Variants in EXO1 observed in about 807,000 individuals in gnomAD.
EXO1 encodes the protein exonuclease 1.
EXO1 carries 69 observed loss-of-function variants against 84.5 expected under a neutral mutation model. The observed-to-expected ratio is 0.82, with a 90% CI of 0.67 to 1.00. The LOEUF (loss-of-function observed/expected upper bound fraction) is 1.00, where lower values mean the gene tolerates loss of function less well. Ranked by LOEUF, EXO1 falls within the 50% of genes least tolerant of loss-of-function variation. The pLI, the probability that EXO1 is intolerant of heterozygous loss-of-function variation, is 0.00. For missense variants in EXO1, 1,045 were observed against 1,000.7 expected, an observed-to-expected ratio of 1.04 and a Z score of -0.60; for synonymous variants, 373 against 366.1, an observed-to-expected ratio of 1.02 and a Z score of -0.21.
chr1:241,877,118 G>A (rs1045266506), intron 12 of EXO1, among the ~76,000 whole-genome samples: 2 of 152,132 alleles, frequency 1.3e-5, no homozygotes, highest in Admixed American at 6.5e-5. Flanking sequence ...CCTGCATTTT[G>A]GAAGCCTGTT....
chr1:241,869,094 A>G (rs1396768230), intron 11 of EXO1, among the ~76,000 whole-genome samples: 2 of 152,176 alleles, frequency 1.3e-5, no homozygotes, highest in African/African-American at 4.8e-5. Context: ...TTCTTAGTAT[A>G]AGAATCTAAG....
rs754470641 is a variant in EXO1 at position 241,878,860 on chromosome 1, T to G, written c.1626T>G (p.Tyr542Ter). ...DKENNLHESE[Y>*]GDQEGKRLVD... ...AGAACAATCTGCATGAATCAGAGTA[T>G]GGAGACCAAGAAGGCAAGAGACTGG... Residue 542 changes from tyrosine (Y) to a stop codon, truncating the protein, a stop_gained, in exon 13 of 16, where the codon TAT (tyrosine) becomes TAG (stop). Transcript: ENST00000366548. LOFTEE classifies it high-confidence loss of function. 3 of 1,614,044 alleles carry G rather than the reference T, an allele frequency of 1.9e-6. No homozygotes were observed. The highest frequency in any genetic ancestry group is 2.5e-6 in the Non-Finnish European group (3 of 1,179,924).
In EXO1 at chr1:241,884,673, G is replaced by A. The variant is rs146210654; in HGVS notation, c.2212-641G>A. 4.3e-3 allele frequency among the ~76,000 whole-genome samples: 495 copies of A among 115,780 alleles called. 8 individuals carry two copies. The highest frequency in any genetic ancestry group is 3.3e-3 in the Admixed American group (36 of 10,822). 76.0% of individuals were successfully genotyped at this position (115,780 alleles called of 152,430 possible). Reference sequence around the variant, plus strand: ...TGTGTGTGTGTGTGTGTGTGTGTGTGTGTGCACGTGCACGTAAGTCAGTGG... The same window carrying A: ...TGTGTGTGTGTGTGTGTGTGTGTGTATGTGCACGTGCACGTAAGTCAGTGG... On this transcript the variant is annotated intron_variant, in intron 14 of 15. Coordinates refer to ENST00000366548, the MANE Select transcript of EXO1 (RefSeq NM_130398.4).
intron 12 of EXO1, among the ~76,000 whole-genome samples, chr1:241,873,839 A>G (rs1662249253): frequency 6.6e-6 from 1 of 152,148 alleles, no homozygotes; most frequent in African/African-American, 2.4e-5. Context: ...GTCCCTGCCT[A>G]GGTTTAAATG....
intron 10 of EXO1, among the ~76,000 whole-genome samples, chr1:241,862,519 A>C (rs1021035758): frequency 3.3e-5 from 5 of 152,320 alleles, no homozygotes; most frequent in Admixed American, 6.5e-5. Flanking sequence ...AGGCAAAACT[A>C]AACTCTTCAT....
chr1:241,862,634 G>A lies in EXO1; in HGVS notation c.1041+1132G>A, dbSNP rs181909455. On this transcript the variant is annotated intron_variant, in intron 10 of 15. Transcript: ENST00000366548. ...TTCTGATTCTTTCCAATAGAATGTGGTCTTCATAAAGGCAGAACTTGGTGA... is the reference window on the plus strand; with the variant it reads ...TTCTGATTCTTTCCAATAGAATGTGATCTTCATAAAGGCAGAACTTGGTGA... 1.2e-4 allele frequency among the ~76,000 whole-genome samples: 18 copies of A among 152,254 alleles called. No individual in the cohort carries two copies. In the East Asian group the frequency reaches 3.5e-3, roughly 29 times the overall value.
intron 10 of EXO1, 22 bp from the exon 11 acceptor site, chr1:241,866,808 C>T: frequency 6.7e-7 from 1 of 1,503,332 alleles, no homozygotes; most frequent in Non-Finnish European, 9.3e-7. Context: ...TGCAAATAAT[C>T]TTTTTCCTTT....
Position 241,858,654 on chromosome 1 carries a change from G to T in EXO1, c.692G>T (p.Arg231Leu), listed in dbSNP as rs764493111. The T allele has an allele frequency of 1.2e-6, 2 of 1,614,056 alleles. No homozygotes were observed. The highest frequency in any genetic ancestry group is 3.3e-5 in the Admixed American group (2 of 60,028). The change falls in exon 8 of 16, where the codon CGT (arginine) becomes CTT (leucine). Residue 231 changes from arginine to leucine, a missense_variant. Coordinates refer to ENST00000366548, the MANE Select transcript of EXO1 (RefSeq NM_130398.4). ...GGTTGTGACTACCTGTCATCACTGC[G>T]TGGGATTGGATTAGCAAAGGCATGC... is the stretch of plus-strand genomic sequence containing the variant. ...LSGCDYLSSLRGIGLAKACKV... is the reference protein window; with the variant it reads ...LSGCDYLSSLLGIGLAKACKV...
chr1:241,878,273 C>T (rs1442151707), intron 12 of EXO1, among the ~76,000 whole-genome samples: 4 of 152,126 alleles, frequency 2.6e-5, no homozygotes, highest in South Asian at 4.1e-4. Flanking sequence ...CCAAGGCGGG[C>T]GGATCACCTG....
chr1:241,884,676 T>TGC (rs1553275075), intron 14 of EXO1, among the ~76,000 whole-genome samples: 40 of 141,646 alleles, frequency 2.8e-4, no homozygotes, highest in African/African-American at 1.0e-3. Context: ...TGTGTGTGTG[T>TGC]GCACGTGCAC....
At chr1:241,848,116 C>G (rs1033049498), upstream of EXO1, 19 of 152,280 alleles carry the variant, frequency 1.2e-4, no homozygotes, top group Admixed American at 5.2e-4. This position sits in a 1 kb window ranked among gnomAD's most constrained non-coding sequence, Gnocchi z 4.2. Flanking sequence ...AGTTGGAAGC[C>G]GCAGGAGGCG....
At chr1:241,887,841 G>A (rs1663153539) in intron 15 of EXO1, among the ~76,000 whole-genome samples, 1 of 151,960 alleles carries the variant, frequency 6.6e-6, no homozygotes, top group Admixed American at 6.6e-5. Flanking sequence ...GTTTCGCTGT[G>A]TTGGCCAGGC....
intron 12 of EXO1, among the ~76,000 whole-genome samples, chr1:241,873,620 A>C (rs1288756686): frequency 6.6e-6 from 1 of 152,152 alleles, no homozygotes; most frequent in East Asian, 1.9e-4. Context: ...ATGCCATGCT[A>C]GGTGCTATAG....
Position 241,852,377 on chromosome 1 carries a change from C to A in EXO1, c.247C>A (p.Pro83Thr), listed in dbSNP as rs776708197. Residue 83 changes from proline (P) to threonine (T), a missense_variant, in exon 5 of 16, where the codon CCT becomes ACT. Physicochemically the swap from Pro to Thr is conservative, Grantham distance 38. Coordinates refer to ENST00000366548, the MANE Select transcript of EXO1 (RefSeq NM_130398.4). ...PILVFDGCTL[P>T]SKKEVERSRR... ...TCTCGTATTTGATGGATGTACTTTA[C>A]CTTCTAAAAAGGAAGTAGAGAGATC... 41 of 1,592,530 alleles carry A rather than the reference C, an allele frequency of 2.6e-5. No individual in the cohort carries two copies. Among genetic ancestry groups the A allele is most frequent in the Non-Finnish European group, 3.4e-5 (40 of 1,161,020 alleles).
chr1:241,888,375 A>G (rs910937690), intron 15 of EXO1, among the ~76,000 whole-genome samples: 6 of 151,230 alleles, frequency 4.0e-5, no homozygotes, highest in Non-Finnish European at 8.8e-5. Context: ...GGAGAATACA[A>G]ATAGTCCTGG....
chr1:241,878,589 T>G (rs1662541771), intron 12 of EXO1, among the ~76,000 whole-genome samples, 160 bp from the exon 13 acceptor site: 1 of 152,132 alleles, frequency 6.6e-6, no homozygotes, highest in Admixed American at 6.5e-5. Flanking sequence ...AAATTTGAAT[T>G]TTGACTAAAA....
chr1:241,859,857 T>C (rs1661275149), intron 8 of EXO1, among the ~76,000 whole-genome samples: 1 of 152,216 alleles, frequency 6.6e-6, no homozygotes, highest in South Asian at 2.1e-4. Flanking sequence ...CTTAACAGTT[T>C]GCAGAGCAGA....
At chr1:241,865,195 ATT>A (rs1455508805) in intron 10 of EXO1, among the ~76,000 whole-genome samples, 11 of 120,402 alleles carry the variant, frequency 9.1e-5, no homozygotes, top group South Asian at 5.1e-4. Flanking sequence ...ATATATATAT[ATT>A]TTTTGACTTG....
In EXO1 at chr1:241,857,443, T is replaced by A. The variant is rs200953385; in HGVS notation, c.504T>A (p.Ile168=). 5.0e-6 allele frequency: 8 copies of A among 1,614,024 alleles called. No individual in the cohort carries two copies. In the East Asian group the frequency reaches 1.6e-4, roughly 31 times the overall value. ...LNKAGIVQAI[I]TEDSDLLAFG... ...AAGCGGGAATTGTGCAAGCCATAAT[T>A]ACAGAGGACTCGGATCTCCTAGCTT... The change falls in exon 7 of 16, where the codon ATT becomes ATA. Residue 168 remains isoleucine (I), a synonymous_variant. Transcript: ENST00000366548.
Sources: allele counts gnomAD v4.1 joint callset (sites outside exome capture counted in the v4.1 genomes callset), GRCh38; gene constraint gnomAD v4.1.1; non-coding constraint Gnocchi (gnomAD v3.1); transcripts MANE v1.5; gene names NCBI Gene and HGNC (gene_info 2026-07-23, HGNC 2026-07-21).